The following LRRTM4 variants were observed in gnomAD, a reference collection of about 807,000 sequenced individuals.
LRRTM4 encodes the protein leucine rich repeat transmembrane neuronal 4, also known as leucine-rich repeat transmembrane neuronal protein 4.
In LRRTM4, 25 loss-of-function variants were observed where a neutral mutation model predicts 47.6. That is an observed-to-expected ratio of 0.53 (90% confidence interval 0.38 to 0.73). The LOEUF is 0.73. Among genes scored for constraint, LRRTM4 ranks in the 30% least tolerant of loss-of-function variants. The pLI, the probability that LRRTM4 is intolerant of heterozygous loss-of-function variation, is 0.00. For missense variants in LRRTM4, 638 were observed against 713.4 expected (o/e 0.89, Z 1.20); for synonymous variants, 311 against 269.5 (o/e 1.15, Z -1.51).
At chr2:77,064,243 A>C (rs764070773) in intron 3 of LRRTM4, among the ~76,000 whole-genome samples, 2 of 152,310 alleles carry the variant, frequency 1.3e-5, no homozygotes, top group African/African-American at 2.4e-5. Flanking sequence ...AATGTTGCAT[A>C]AGCTTAAAGA....
chr2:77,403,630 T>A (rs1674052256), intron 3 of LRRTM4, among the ~76,000 whole-genome samples: 1 of 151,920 alleles, frequency 6.6e-6, no homozygotes, highest in South Asian at 2.1e-4. Context: ...CTTCTCAGCA[T>A]TGGGGCTGTG....
At chr2:77,469,132 A>C (rs2103988624) in intron 3 of LRRTM4, among the ~76,000 whole-genome samples, 1 of 152,330 alleles carries the variant, frequency 6.6e-6, no homozygotes, top group South Asian at 2.1e-4. Flanking sequence ...AAATGAATGC[A>C]AGAGGGAAAG....
At chr2:76,773,268 C>T (rs1330385906) in intron 3 of LRRTM4, among the ~76,000 whole-genome samples, 1 of 152,236 alleles carries the variant, frequency 6.6e-6, no homozygotes, top group African/African-American at 2.4e-5. Flanking sequence ...TATCATTCTC[C>T]ACCATAATGG....
At chr2:77,468,008 G>A (rs191315672) in intron 3 of LRRTM4, among the ~76,000 whole-genome samples, 1 of 152,162 alleles carries the variant, frequency 6.6e-6, no homozygotes, top group Non-Finnish European at 1.5e-5. Context: ...CATGCCACAT[G>A]GATTTCTGTT....
At chr2:77,178,576 A>C (rs1167721711) in intron 3 of LRRTM4, among the ~76,000 whole-genome samples, 1 of 151,974 alleles carries the variant, frequency 6.6e-6, no homozygotes, top group African/African-American at 2.4e-5. Context: ...ACAGAGTGAG[A>C]CTCCATCTCA....
At chr2:77,196,765 A>G (rs1481316177) in intron 3 of LRRTM4, among the ~76,000 whole-genome samples, 1 of 152,124 alleles carries the variant, frequency 6.6e-6, no homozygotes, top group African/African-American at 2.4e-5. Context: ...ATAAAATAAA[A>G]AACTTTAAGT....
intron 3 of LRRTM4, among the ~76,000 whole-genome samples, chr2:76,911,690 G>C (rs1242150559): frequency 1.3e-5 from 2 of 152,108 alleles, no homozygotes; most frequent in African/African-American, 2.4e-5. Context: ...GGGAAGGATG[G>C]AGAGGAAGAG....
intron 3 of LRRTM4, among the ~76,000 whole-genome samples, chr2:77,136,070 C>A (rs1671930666): frequency 6.6e-6 from 1 of 152,110 alleles, no homozygotes; most frequent in African/African-American, 2.4e-5. Flanking sequence ...CAGCTCCCAG[C>A]CTGAGTGACG....
At chr2:77,207,648 C>G (rs1452079756) in intron 3 of LRRTM4, among the ~76,000 whole-genome samples, 1 of 151,598 alleles carries the variant, frequency 6.6e-6, no homozygotes, top group Admixed American at 6.6e-5. Flanking sequence ...CTTTAAATGC[C>G]TATAACAATC....
intron 3 of LRRTM4, among the ~76,000 whole-genome samples, chr2:76,836,002 T>C (rs1671500270): frequency 6.6e-6 from 1 of 152,064 alleles, no homozygotes; most frequent in Admixed American, 6.6e-5. Flanking sequence ...TATTTCTTTT[T>C]TCCCTTGGTA....
intron 3 of LRRTM4, among the ~76,000 whole-genome samples, chr2:76,982,100 T>C (rs1340845888): frequency 1.3e-5 from 2 of 152,092 alleles, no homozygotes; most frequent in Admixed American, 1.3e-4. Flanking sequence ...GGCCATACTC[T>C]ACTATGTGTC....
intron 3 of LRRTM4, chr2:76,773,171 G>A (rs568595820): frequency 6.6e-6 from 1 of 152,322 alleles, no homozygotes; most frequent in East Asian, 1.9e-4. Flanking sequence ...AGGAATAATG[G>A]CGCCTCTATC....
intron 3 of LRRTM4, among the ~76,000 whole-genome samples, chr2:76,939,213 A>G (rs1027230398): frequency 9.2e-5 from 14 of 152,196 alleles, no homozygotes; most frequent in Admixed American, 8.5e-4. Context: ...AGTAAACCTT[A>G]GATTTTAAGT....
rs1558783840 is a variant in LRRTM4, at chr2:77,521,660, T to C, written c.4+8A>G. 6.2e-7 allele frequency: 1 copy of C among 1,612,196 alleles called. No individual in the cohort carries two copies. Among genetic ancestry groups the C allele is most frequent in the East Asian group, 2.2e-5 (1 of 44,784 alleles). ...TTGCTCAGAAGGAAACAACAAAAGT[T>C]CACTTACCCATCCTTTGTCATCCAA... On this transcript the variant is annotated splice_region_variant and intron_variant, in intron 2 of 3. Coordinates refer to ENST00000409884, the MANE Select transcript of LRRTM4 (RefSeq NM_001134745.3).
intron 3 of LRRTM4, among the ~76,000 whole-genome samples, chr2:77,371,740 C>T (rs932878480): frequency 1.4e-4 from 21 of 151,680 alleles, no homozygotes; most frequent in Admixed American, 5.9e-4. Flanking sequence ...TTGGCTCCTC[C>T]CTCTTAACTT....
intron 3 of LRRTM4, among the ~76,000 whole-genome samples, chr2:77,309,841 T>G (rs935900555): frequency 6.6e-6 from 1 of 152,166 alleles, no homozygotes; most frequent in Non-Finnish European, 1.5e-5. Flanking sequence ...AATAATAATG[T>G]AGGCCAACTT....
intron 3 of LRRTM4, among the ~76,000 whole-genome samples, chr2:77,043,023 G>A (rs548009149): frequency 1.3e-5 from 2 of 151,740 alleles, no homozygotes; most frequent in Admixed American, 6.6e-5. Context: ...GCTGGGACTC[G>A]TGAGATTTAC....
intron 3 of LRRTM4, among the ~76,000 whole-genome samples, chr2:77,224,542 G>A (rs1256159711): frequency 1.3e-5 from 2 of 152,116 alleles, no homozygotes; most frequent in African/African-American, 4.8e-5. Context: ...CCATCAAAAA[G>A]TGGGCAAAGG....
rs202120872 is a variant in LRRTM4, at chr2:77,248,593, T to C, written c.1551+269725A>G. Among the ~76,000 whole-genome samples, 7 of 152,000 alleles carry C rather than the reference T, an allele frequency of 4.6e-5. No individual in the cohort carries two copies. In the East Asian group the frequency reaches 1.4e-3, roughly 29 times the overall value. The stretch of plus-strand genomic sequence containing the variant: ...AAAAGACACTGAATAGCCAACACAA[T>C]ATTGAAGGAGAAGAACAAATTTGGA... On this transcript the variant is annotated intron_variant, in intron 3 of 3. Transcript: ENST00000409884.
Sources: gnomAD v4.1 joint callset for allele counts (sites outside exome capture counted in the v4.1 genomes callset) on GRCh38, gnomAD v4.1.1 for gene constraint, MANE v1.5 for transcripts, NCBI Gene and HGNC (gene_info 2026-07-23, HGNC 2026-07-21) for gene names.